MLLT10: variants seen among roughly 807,000 people sequenced by gnomAD.
MLLT10 encodes MLLT10 histone lysine methyltransferase DOT1L cofactor, also known as protein AF-10.
A neutral mutation model predicts 129.1 loss-of-function variants in MLLT10; 30 were observed. The ratio of observed to expected loss-of-function variants is 0.23; its 90% CI spans 0.17 to 0.32. The LOEUF is 0.32. Among genes scored for constraint, MLLT10 ranks in the 10% least tolerant of loss-of-function variants. The pLI, the probability that MLLT10 is intolerant of heterozygous loss-of-function variation, is 1.00. For synonymous variants in MLLT10, 490 were observed against 446.4 expected (o/e 1.10, Z -1.23); for missense variants, 1,119 against 1,268.3 (o/e 0.88, Z 1.79).
At chr10:21,628,740 C>CTTTT (rs1161362725) in intron 8 of MLLT10, among the ~76,000 whole-genome samples, 15 of 99,352 alleles carry the variant, frequency 1.5e-4, no homozygotes, top group East Asian at 2.7e-4. Flanking sequence ...TGTGCCCTGC[C>CTTTT]TTTTTTTTTT....
chr10:21,686,326 A>T (rs1192300916), intron 13 of MLLT10, among the ~76,000 whole-genome samples: 1 of 152,114 alleles, frequency 6.6e-6, no homozygotes, highest in Non-Finnish European at 1.5e-5. Flanking sequence ...AGTTTCTGAA[A>T]TTTCCTGAGA....
chr10:21,673,986 G>A (rs556866951), intron 11 of MLLT10, 67 bp downstream of exon 11: 19 of 1,209,358 alleles, frequency 1.6e-5, no homozygotes, highest in East Asian at 2.5e-5. Context: ...GTCCCAAAAC[G>A]TTTTCAACTG....
intron 10 of MLLT10, 168 bp downstream of exon 10, chr10:21,670,872 ATT>A: frequency 1.4e-6 from 1 of 699,172 alleles, no homozygotes; most frequent in Non-Finnish European, 2.1e-6. Flanking sequence ...TTCCTATTAA[ATT>A]TTTTTAATAG....
chr10:21,688,388 C>T, intron 13 of MLLT10: 1 of 939,596 alleles, frequency 1.1e-6, no homozygotes, highest in South Asian at 1.5e-5. Flanking sequence ...CACCCCCACA[C>T]TGCACCCCAT....
At chr10:21,624,498 A>C (rs1240996645) in intron 8 of MLLT10, 6 of 687,984 alleles carry the variant, frequency 8.7e-6, no homozygotes, top group Non-Finnish European at 2.3e-6. Context: ...TTGCTACTTA[A>C]AGATGAAACA....
intron 10 of MLLT10, 45 bp downstream of exon 10, chr10:21,670,749 A>C (rs752407665): frequency 1.3e-6 from 2 of 1,560,920 alleles, no homozygotes; most frequent in African/African-American, 2.7e-5. Context: ...TAAGATGGTT[A>C]ATAATAGTTA....
At chr10:21,558,870 C>G (rs2038423423) in intron 3 of MLLT10, among the ~76,000 whole-genome samples, 1 of 152,004 alleles carries the variant, frequency 6.6e-6, no homozygotes, top group Non-Finnish European at 1.5e-5. Flanking sequence ...TTTAAAATTA[C>G]TATAGCTTCA....
chr10:21,718,173 C>CTTT (rs376769089), intron 14 of MLLT10, among the ~76,000 whole-genome samples: 1 of 148,676 alleles, frequency 6.7e-6, no homozygotes, highest in African/African-American at 2.5e-5. Flanking sequence ...GTGTTAAACC[C>CTTT]TTTTTTTTTT....
intron 10 of MLLT10, among the ~76,000 whole-genome samples, chr10:21,671,859 G>A (rs759450716): frequency 1.4e-3 from 217 of 152,186 alleles, no homozygotes; most frequent in Non-Finnish European, 2.6e-3. Context: ...AGGCTACAGT[G>A]CGAGGATTGC....
intron 16 of MLLT10, 139 bp from the exon 17 acceptor site, chr10:21,730,761 C>A: frequency 1.3e-6 from 1 of 755,320 alleles, no homozygotes; most frequent in Non-Finnish European, 2.2e-6. Context: ...TTTTCTAAAT[C>A]CAGGAACCTG....
chr10:21,641,880 A>G (rs1294060458), intron 8 of MLLT10, among the ~76,000 whole-genome samples: 10 of 152,216 alleles, frequency 6.6e-5, no homozygotes, highest in Non-Finnish European at 4.4e-5. Flanking sequence ...AGATTGGTTA[A>G]TTTAACAGTA....
At position 21,545,738 on chromosome 10, in the gene MLLT10, T is replaced by C. The variant is rs118099030; in HGVS notation, c.240+6826T>C. ...GCTGGAATCAGTGGTGCGATTTTAG[T>C]TGACTGCAACATCGAACTCTGGGGC... On this transcript the variant is annotated intron_variant, in intron 3 of 22. Coordinates refer to ENST00000307729, the MANE Select transcript of MLLT10 (RefSeq NM_001195626.3). Among the ~76,000 whole-genome samples the C allele has an allele frequency of 8.7e-4, 133 of 152,340 alleles. 2 individuals are homozygous for C. The East Asian group carries it at 0.024, about 28-fold the overall frequency.
chr10:21,717,725 CTCCTCCTCCTCT>C (rs1564711282), intron 14 of MLLT10, among the ~76,000 whole-genome samples: 6 of 116,794 alleles, frequency 5.1e-5, no homozygotes, highest in African/African-American at 1.0e-4. Context: ...CTTCCTCCTC[CTCCTCCTCCTCT>C]TCCTCCTCCT....
chr10:21,655,839 C>G (rs184780325), intron 9 of MLLT10, among the ~76,000 whole-genome samples: 1 of 152,106 alleles, frequency 6.6e-6, no homozygotes, highest in Admixed American at 6.5e-5. Context: ...TTTGTTGGAA[C>G]AAGAATCAGA....
intron 9 of MLLT10, among the ~76,000 whole-genome samples, chr10:21,662,869 G>A (rs556473122): frequency 2.6e-5 from 4 of 152,116 alleles, no homozygotes; most frequent in Non-Finnish European, 5.9e-5. Context: ...TCAGTCTTTA[G>A]GTGAACCTCT....
chr10:21,702,167 C>T (rs780459623), intron 13 of MLLT10, among the ~76,000 whole-genome samples: 26 of 152,072 alleles, frequency 1.7e-4, no homozygotes, highest in Non-Finnish European at 2.8e-4. Context: ...CCTTGTGATC[C>T]GCCCACCTCA....
chr10:21,738,894 T>C, intron 21 of MLLT10, among the ~76,000 whole-genome samples: 1 of 152,190 alleles, frequency 6.6e-6, no homozygotes, highest in East Asian at 1.9e-4. Context: ...AAATAGCATC[T>C]CTGTGCTGAT....
chr10:21,548,131 G>C (rs1265806051), intron 3 of MLLT10, among the ~76,000 whole-genome samples: 1 of 152,002 alleles, frequency 6.6e-6, no homozygotes, highest in Non-Finnish European at 1.5e-5. Flanking sequence ...TTTTATTCTA[G>C]TTTGTCTTCT....
chr10:21,619,373 C>A (rs1230033269), intron 8 of MLLT10, among the ~76,000 whole-genome samples: 1 of 152,042 alleles, frequency 6.6e-6, no homozygotes, highest in Non-Finnish European at 1.5e-5. Flanking sequence ...GTATAAAAAG[C>A]GCTTACTATA....
Sources: gnomAD v4.1 joint callset for allele counts (sites outside exome capture counted in the v4.1 genomes callset) on GRCh38, gnomAD v4.1.1 for gene constraint, MANE v1.5 for transcripts, NCBI Gene and HGNC (gene_info 2026-07-23, HGNC 2026-07-21) for gene names.